The following FMN1 variants were observed in gnomAD, a reference collection of about 807,000 sequenced individuals.
The protein encoded by FMN1 is formin 1.
In FMN1, 110 loss-of-function variants were observed where a neutral mutation model predicts 132.4. That is an observed-to-expected ratio of 0.83 (90% CI 0.71 to 0.97). The LOEUF (loss-of-function observed/expected upper bound fraction) is 0.97, where lower values mean the gene tolerates loss of function less well. Ranked by LOEUF, FMN1 falls within the 50% of genes least tolerant of loss-of-function variation. The probability of loss-of-function intolerance (pLI) is 0.00; values close to 1 mark genes in which losing one functional copy is unlikely to be tolerated. For missense variants in FMN1, 1,792 were observed against 1,705.3 expected (o/e 1.05, Z -0.90); for synonymous variants, 722 against 651.7 (o/e 1.11, Z -1.64).
intron 4 of FMN1, among the ~76,000 whole-genome samples, chr15:33,139,880 A>G (rs896491426): frequency 7.2e-5 from 11 of 152,180 alleles, no homozygotes; most frequent in African/African-American, 2.7e-4. Context: ...ACAAATACCA[A>G]CTAAATCATA....
chr15:33,068,135 G>T, intron 5 of FMN1: 2 of 810,726 alleles, frequency 2.5e-6, no homozygotes, highest in Non-Finnish European at 3.5e-6. Context: ...AGCCGAGGCT[G>T]CGCACCTTAC....
At position 33,067,658 on chromosome 15, in the gene FMN1, T is replaced by C. The variant is rs373389085; in HGVS notation, c.2044-2584A>G. The C allele has an allele frequency of 2.9e-5, 47 of 1,613,926 alleles. No homozygotes were observed. The African/African-American group carries it at 5.6e-4, about 19-fold the overall frequency. On this transcript the variant is annotated intron_variant, in intron 5 of 20. Coordinates refer to ENST00000616417, the MANE Select transcript of FMN1 (RefSeq NM_001277313.2). ...CCCTGCTTCCTGTGGATCCAAGCCA[T>C]TGCTGGAATCATCCTGCTGAGATGT...
chr15:33,053,431 G>A (rs1478591955), intron 6 of FMN1, among the ~76,000 whole-genome samples: 2 of 152,174 alleles, frequency 1.3e-5, no homozygotes, highest in Admixed American at 6.5e-5. Flanking sequence ...GTTCACTCAT[G>A]TGCTCACTCC....
chr15:32,820,934 C>A (rs556922945), intron 17 of FMN1, among the ~76,000 whole-genome samples: 2 of 152,060 alleles, frequency 1.3e-5, no homozygotes, highest in African/African-American at 4.8e-5. Context: ...CTGATTAAAT[C>A]ATTTGCAAGA....
chr15:33,087,473 G>T (rs2038740052), intron 5 of FMN1, among the ~76,000 whole-genome samples: 1 of 152,168 alleles, frequency 6.6e-6, no homozygotes, highest in Non-Finnish European at 1.5e-5. Flanking sequence ...TTGAACCCGG[G>T]AGGCAGAGGT....
At chr15:32,791,906 G>A (rs1466693579) in intron 19 of FMN1, among the ~76,000 whole-genome samples, 3 of 152,186 alleles carry the variant, frequency 2.0e-5, no homozygotes, top group African/African-American at 7.2e-5. Flanking sequence ...TTAATGTGCA[G>A]TAGGAAATGT....
intron 8 of FMN1, among the ~76,000 whole-genome samples, chr15:32,964,983 T>C (rs2140615147): frequency 6.6e-6 from 1 of 152,296 alleles, no homozygotes; most frequent in South Asian, 2.1e-4. Flanking sequence ...AGAAAAGCTC[T>C]TGAGAATCAG....
At chr15:32,863,482 A>G (rs1322083397) in intron 16 of FMN1, among the ~76,000 whole-genome samples, 2 of 152,172 alleles carry the variant, frequency 1.3e-5, no homozygotes, top group Non-Finnish European at 2.9e-5. Flanking sequence ...TCAATTCAAC[A>G]CATGTCTACT....
At chr15:32,911,523 G>C (rs2060561957) in intron 10 of FMN1, among the ~76,000 whole-genome samples, 1 of 151,998 alleles carries the variant, frequency 6.6e-6, no homozygotes, top group African/African-American at 2.4e-5. Flanking sequence ...GGGAAGGTGG[G>C]GACCAAGGTA....
intron 7 of FMN1, among the ~76,000 whole-genome samples, chr15:32,997,947 T>C (rs1404652813): frequency 6.6e-6 from 1 of 152,170 alleles, no homozygotes; most frequent in African/African-American, 2.4e-5. Flanking sequence ...TTTGTATTCG[T>C]ATGTTCATGA....
chr15:33,165,849 C>G (rs937791213), intron 3 of FMN1, among the ~76,000 whole-genome samples: 2 of 152,132 alleles, frequency 1.3e-5, no homozygotes. Context: ...TGGGGGCTCT[C>G]CAAGACAAAG....
chr15:32,797,176 T>C (rs902096271), intron 19 of FMN1, among the ~76,000 whole-genome samples: 9 of 152,316 alleles, frequency 5.9e-5, no homozygotes, highest in Admixed American at 3.3e-4. Flanking sequence ...TACAGAACAC[T>C]CTTTAATGTG....
At chr15:33,097,923 A>G (rs1306060770) in intron 4 of FMN1, among the ~76,000 whole-genome samples, 1 of 152,062 alleles carries the variant, frequency 6.6e-6, no homozygotes, top group Non-Finnish European at 1.5e-5. Flanking sequence ...TTTATAACAC[A>G]CTCCATTCAC....
chr15:33,014,025 T>C (rs1359682390), intron 6 of FMN1, among the ~76,000 whole-genome samples: 2 of 98,622 alleles, frequency 2.0e-5, no homozygotes, highest in African/African-American at 3.9e-5. Context: ...ATCTCCTCCT[T>C]TAACAAATAT....
intron 9 of FMN1, among the ~76,000 whole-genome samples, chr15:32,957,699 T>A (rs1181934531): frequency 1.3e-5 from 2 of 152,220 alleles, no homozygotes; most frequent in East Asian, 3.8e-4. Context: ...GTTCATAAAC[T>A]AAGAGATTAA....
chr15:32,850,567 A>T (rs1596081692), intron 17 of FMN1, among the ~76,000 whole-genome samples: 3 of 152,330 alleles, frequency 2.0e-5, no homozygotes, highest in Admixed American at 2.0e-4. Context: ...CTCTAGGTAC[A>T]TTACACAATT....
intron 19 of FMN1, among the ~76,000 whole-genome samples, chr15:32,782,122 G>C (rs932758159): frequency 1.3e-5 from 2 of 152,098 alleles, no homozygotes; most frequent in Non-Finnish European, 2.9e-5. Context: ...CCTCTCTTAA[G>C]GTACTTAAGG....
chr15:32,853,462 G>A (rs750691433), intron 17 of FMN1, among the ~76,000 whole-genome samples: 1 of 152,118 alleles, frequency 6.6e-6, no homozygotes, highest in Non-Finnish European at 1.5e-5. Context: ...TAGCGTATTA[G>A]ATGAAATACT....
chr15:33,153,023 C>A, intron 4 of FMN1, 25 bp downstream of exon 4: 1 of 1,474,216 alleles, frequency 6.8e-7, no homozygotes, highest in South Asian at 1.4e-5. Context: ...AGAATAGATT[C>A]AAAGCATCTT....
Sources: gnomAD v4.1 joint callset for allele counts (sites outside exome capture counted in the v4.1 genomes callset) on GRCh38, gnomAD v4.1.1 for gene constraint, MANE v1.5 for transcripts, NCBI Gene and HGNC (gene_info 2026-07-23, HGNC 2026-07-21) for gene names.